The following DDX18 variants were observed in gnomAD, a reference collection of about 807,000 sequenced individuals.
The protein encoded by DDX18 is DEAD-box helicase 18, also known as ATP-dependent RNA helicase DDX18.
Under a neutral mutation model 73.5 loss-of-function variants are expected in DDX18, and 23 were observed. That is an observed-to-expected ratio of 0.31 (90% confidence interval 0.23 to 0.44). The LOEUF (loss-of-function observed/expected upper bound fraction) is 0.44. Ranked by LOEUF, DDX18 falls within the 20% of genes least tolerant of loss-of-function variation. The pLI, the probability that DDX18 is intolerant of heterozygous loss-of-function variation, is 1.00. For synonymous variants in DDX18, 268 were observed against 282.7 expected, an observed-to-expected ratio of 0.95 and a Z score of 0.52; for missense variants, 753 against 792.9, an observed-to-expected ratio of 0.95 and a Z score of 0.60.
In DDX18 at chr2:117,825,114, G is replaced by T. The variant is rs528961378; in HGVS notation, c.1368+13G>T. The T allele has an allele frequency of 6.2e-7, 1 of 1,602,752 alleles. No individual in the cohort carries two copies. The highest frequency in any genetic ancestry group is 1.1e-5 in the South Asian group (1 of 88,948). Reference sequence around the variant, plus strand: ...CTTGGCCATTCATGTAAGTGATGATGATGAGCTCATTGAAAACAGGGTATG... The same window carrying T: ...CTTGGCCATTCATGTAAGTGATGATTATGAGCTCATTGAAAACAGGGTATG... On this transcript the variant is annotated intron_variant, in intron 9 of 13. Coordinates refer to ENST00000263239, the MANE Select transcript of DDX18 (RefSeq NM_006773.4).
intron 1 of DDX18, among the ~76,000 whole-genome samples, chr2:117,816,646 A>G (rs971247989): frequency 6.6e-6 from 1 of 152,262 alleles, no homozygotes; most frequent in Non-Finnish European, 1.5e-5. Flanking sequence ...AAACTCTAAA[A>G]TGATGATCAA....
chr2:117,826,535 C>T (rs1211510916), intron 11 of DDX18, 153 bp downstream of exon 11: 1 of 702,238 alleles, frequency 1.4e-6, no homozygotes, highest in Non-Finnish European at 2.4e-6. Flanking sequence ...GTACTTCTAG[C>T]CCAAGAAGTG....
chr2:117,818,534 C>T (rs1472752113), intron 2 of DDX18, among the ~76,000 whole-genome samples: 3 of 152,200 alleles, frequency 2.0e-5, no homozygotes, highest in African/African-American at 4.8e-5. Context: ...TTCATGATGC[C>T]TACACACAGA....
At position 117,821,308 on chromosome 2, in the gene DDX18, A is replaced by G. The variant is rs768789820; in HGVS notation, c.650+12A>G. 6.3e-6 allele frequency: 10 copies of G among 1,593,170 alleles called. No individual in the cohort carries two copies. The highest frequency in any genetic ancestry group is 1.7e-4 in the Middle Eastern group (1 of 5,978). On this transcript the variant is annotated intron_variant, in intron 4 of 13. Transcript: ENST00000263239. ...CTTCTGGAAGGCAGGTATGATTAAC[A>G]TTGAAGCTTAGATATTGGCATCTAT... is the stretch of plus-strand genomic sequence containing the variant.
At position 117,824,693 on chromosome 2, in the gene DDX18, G is replaced by T. The variant is rs755981542; in HGVS notation, c.1191G>T (p.Val397=). 2 of 1,478,130 alleles carry T rather than the reference G, an allele frequency of 1.4e-6. No homozygotes were observed. The highest frequency in any genetic ancestry group is 5.1e-5 in the Admixed American group (2 of 39,506). 91.6% of individuals were successfully genotyped at this position (1,478,130 alleles called of 1,614,324 possible). A position where few individuals can be genotyped will look rare whatever the true frequency, so the allele number is the denominator to read the frequency against. ...GVDDDKANAT[V]DGLEQGYVVC... ...ATGATGATAAAGCGAATGCAACAGT[G>T]GATGGTCTTGAACAGGTACTTTTTA... The change falls in exon 8 of 14, where the codon GTG becomes GTT. Residue 397 remains valine (V), a synonymous_variant. Coordinates refer to ENST00000263239, the MANE Select transcript of DDX18 (RefSeq NM_006773.4).
intron 2 of DDX18, among the ~76,000 whole-genome samples, chr2:117,818,090 C>T (rs1330005585): frequency 6.6e-6 from 1 of 151,956 alleles, no homozygotes; most frequent in Non-Finnish European, 1.5e-5. Flanking sequence ...ATATTAGTTA[C>T]AAAGTATATA....
In DDX18 at chr2:117,822,397, G is replaced by C. The variant is rs181444098; in HGVS notation, c.1066+136G>C. The C allele has an allele frequency of 9.7e-4, 626 of 643,648 alleles. 2 individuals carry two copies. The highest frequency in any genetic ancestry group is 1.5e-3 in the Admixed American group (54 of 36,070). 39.9% of individuals were successfully genotyped at this position (643,648 alleles called of 1,614,324 possible). A position where few individuals can be genotyped will look rare whatever the true frequency, so the allele number is the denominator to read the frequency against. On this transcript the variant is annotated intron_variant, in intron 7 of 13. Coordinates refer to ENST00000263239, the MANE Select transcript of DDX18 (RefSeq NM_006773.4). ...GGTAGTTGTGCCAATTAACCCGAAA[G>C]GTAATTTGGAATACAAGCATCAAAT...
chr2:117,819,850 A>T, intron 3 of DDX18, 58 bp downstream of exon 3: 1 of 1,423,368 alleles, frequency 7.0e-7, no homozygotes, highest in South Asian at 1.7e-5. Flanking sequence ...CTCTTAGAGG[A>T]TTATAGGTTT....
chr2:117,817,469 A>G lies in DDX18; in HGVS notation c.111A>G (p.Glu37=). Residue 37 remains glutamate, a synonymous_variant, in exon 2 of 14, where the codon GAA becomes GAG. Transcript: ENST00000263239. The stretch of plus-strand genomic sequence containing the variant: ...GGGCCTCAAATCTGACCCTATCGGA[A>G]ACTCAAAATGGAGATGTATCTGAAG... ...FQGASNLTLS[E]TQNGDVSEET... 6.2e-7 allele frequency: 1 copy of G among 1,610,290 alleles called. No homozygotes were observed. The highest frequency in any genetic ancestry group is 8.5e-7 in the Non-Finnish European group (1 of 1,179,264).
At chr2:117,827,799 G>A (rs950299854) in intron 11 of DDX18, 2 of 152,154 alleles carry the variant, frequency 1.3e-5, no homozygotes, top group Non-Finnish European at 2.9e-5. Context: ...ATGTGCATGT[G>A]TCTTTATAGC....
At chr2:117,825,192 CAT>C in intron 9 of DDX18, 91 bp downstream of exon 9, 5 of 1,476,574 alleles carry the variant, frequency 3.4e-6, no homozygotes, top group Non-Finnish European at 4.6e-6. Flanking sequence ...CTCCTGGAAA[CAT>C]TGTTCTGAGT....
Position 117,819,727 on chromosome 2 carries a change from ATG to A in DDX18, c.452_453del (p.Val151GlyfsTer5), listed in dbSNP as rs1573409854. The A allele has an allele frequency of 1.2e-6, 2 of 1,610,980 alleles. No homozygotes were observed. The highest frequency in any genetic ancestry group is 1.7e-6 in the Non-Finnish European group (2 of 1,179,002). On this transcript the variant is annotated frameshift_variant, in exon 3 of 14. Coordinates refer to ENST00000263239, the MANE Select transcript of DDX18 (RefSeq NM_006773.4). LOFTEE classifies it high-confidence loss of function. ...GAGACTACTAAAGAAACAGAAAATA[ATG>A]TGGAGAAGCCAGATAATGATGAAGA...
chr2:117,815,108 C>T, intron 1 of DDX18: 1 of 549,698 alleles, frequency 1.8e-6, no homozygotes, highest in Non-Finnish European at 3.3e-6. Flanking sequence ...AGCGGGAGGA[C>T]TCCCCGTTCA....
At chr2:117,829,572 G>C in intron 13 of DDX18, 106 bp downstream of exon 13, 9 of 1,088,032 alleles carry the variant, frequency 8.3e-6, no homozygotes, top group Non-Finnish European at 1.2e-5. Context: ...GCTCAGACTG[G>C]AGGCTCCAGT....
Position 117,824,649 on chromosome 2 carries a change from C to A in DDX18, c.1147C>A (p.Pro383Thr). 6.7e-7 allele frequency: 1 copy of A among 1,493,248 alleles called. No individual in the cohort carries two copies. Among genetic ancestry groups the A allele is most frequent in the East Asian group, 2.5e-5 (1 of 39,996 alleles). 92.5% of individuals were successfully genotyped at this position (1,493,248 alleles called of 1,614,324 possible). ...GGCAAGGATTTCTCTGAAAAAGGAG[C>A]CATTGTATGTTGGCGTTGATGATGA... ...DLARISLKKE[P>T]LYVGVDDDKA... The change falls in exon 8 of 14, where the codon CCA becomes ACA. Residue 383 changes from proline (P) to threonine (T), a missense_variant. Pro to Thr is a conservative substitution (Grantham distance 38). Coordinates refer to ENST00000263239, the MANE Select transcript of DDX18 (RefSeq NM_006773.4).
At chr2:117,819,881 C>A (rs1679818425) in intron 3 of DDX18, 89 bp downstream of exon 3, 2 of 1,266,692 alleles carry the variant, frequency 1.6e-6, no homozygotes, top group South Asian at 2.8e-5. Context: ...TTGTGACTTT[C>A]AGTTTACCTG....
At chr2:117,825,297 C>T (rs1679906590) in intron 9 of DDX18, 150 bp from the exon 10 acceptor site, 7 of 1,184,038 alleles carry the variant, frequency 5.9e-6, no homozygotes, top group Non-Finnish European at 7.1e-6. Flanking sequence ...AAGACACCAT[C>T]CTCCTTGAGG....
chr2:117,817,677 T>A lies in DDX18; in HGVS notation c.319T>A (p.Ser107Thr), dbSNP rs141150643. 1 of 1,604,064 alleles carries A rather than the reference T, an allele frequency of 6.2e-7. No homozygotes were observed. Among genetic ancestry groups the A allele is most frequent in the South Asian group, 1.1e-5 (1 of 88,152 alleles). ...AGCAATGCAGTCTTCCAATTCAGAA[T>A]CAAAAAAGAAAAAGAAGAAAAAGAG... is the stretch of plus-strand genomic sequence containing the variant. ...EAAMQSSNSE[S>T]KKKKKKKRKM... Residue 107 changes from serine (S) to threonine (T), a missense_variant, in exon 2 of 14, where the codon TCA becomes ACA. By Grantham distance (58) the Ser-to-Thr change is moderately conservative. Around this residue, in one of 3 missense-constraint regions of DDX18, gnomAD observed 345 missense variants for 352.0 expected, o/e 0.98. Transcript: ENST00000263239.
At chr2:117,819,861 G>A (rs1275541831) in intron 3 of DDX18, 69 bp downstream of exon 3, 5 of 1,371,734 alleles carry the variant, frequency 3.6e-6, no homozygotes, top group Non-Finnish European at 4.8e-6. Context: ...TTATAGGTTT[G>A]AAGGTTCAGT....
Sources: gnomAD v4.1 joint callset for allele counts (sites outside exome capture counted in the v4.1 genomes callset) on GRCh38, gnomAD v4.1.1 for gene constraint, gnomAD v4.1.1 regional missense constraint, MANE v1.5 for transcripts, NCBI Gene and HGNC (gene_info 2026-07-23, HGNC 2026-07-21) for gene names.